Variants in GLI2 observed in about 807,000 individuals in gnomAD.
GLI2 encodes the protein GLI family zinc finger 2, also known as transcription activator GLI2.
Under a neutral mutation model 78.9 loss-of-function variants are expected in GLI2, and 22 were observed. That is an observed-to-expected ratio of 0.28 (90% confidence interval 0.20 to 0.40). GLI2 has a LOEUF of 0.40. Ranked by LOEUF, GLI2 falls within the 10% of genes least tolerant of loss-of-function variation. The pLI, the probability that GLI2 is intolerant of heterozygous loss-of-function variation, is 1.00. For missense variants in GLI2, 2,097 were observed against 2,213.2 expected (o/e 0.95, Z 1.05); for synonymous variants, 974 against 963.7 (o/e 1.01, Z -0.20).
intron 2 of GLI2, among the ~76,000 whole-genome samples, chr2:120,924,112 T>C (rs982450622): frequency 9.9e-5 from 15 of 152,122 alleles, no homozygotes; most frequent in African/African-American, 3.6e-4. Context: ...AGCAAGACCA[T>C]GAATGGTAGG....
Position 120,846,779 on chromosome 2 carries a change from C to CT in GLI2, c.148+49317dup, listed in dbSNP as rs567229969. On this transcript the variant is annotated intron_variant, in intron 2 of 13. Transcript: ENST00000361492. ...AGTTCCTTGACCTCCCTGAGATTCTCTTTTTTCACCTATAAAACCCATGTT... is the reference window on the plus strand; with the variant it reads ...AGTTCCTTGACCTCCCTGAGATTCTCTTTTTTTCACCTATAAAACCCATGTT... Among the ~76,000 whole-genome samples, 7 of 152,312 alleles carry CT rather than the reference C, an allele frequency of 4.6e-5. No individual in the cohort carries two copies. The South Asian group carries it at 1.5e-3, about 32-fold the overall frequency.
At chr2:120,893,646 AAAAG>A (rs1394446080) in intron 2 of GLI2, among the ~76,000 whole-genome samples, 1 of 151,284 alleles carries the variant, frequency 6.6e-6, no homozygotes, top group East Asian at 1.9e-4. Context: ...ATGAAAGGAA[AAAAG>A]AAGAAAGAAA....
chr2:120,797,105 G>A (rs917689567), intron 1 of GLI2, among the ~76,000 whole-genome samples, 186 bp from the exon 2 acceptor site: 2 of 152,196 alleles, frequency 1.3e-5, no homozygotes, highest in African/African-American at 2.4e-5. Flanking sequence ...CCGTGAGGTC[G>A]TTCAGAAGAC....
At chr2:120,933,840 A>AGCCCTGCCCTGCCCTGCCCT (rs56996797) in intron 3 of GLI2, among the ~76,000 whole-genome samples, 3 of 137,790 alleles carry the variant, frequency 2.2e-5, no homozygotes, top group Admixed American at 7.2e-5. Context: ...GGACCTTTCC[A>AGCCCTGCCCTGCCCTGCCCT]GCCCTGCCCT....
intron 2 of GLI2, among the ~76,000 whole-genome samples, chr2:120,826,308 G>A (rs1037390806): frequency 1.6e-4 from 25 of 152,236 alleles, no homozygotes; most frequent in African/African-American, 6.0e-4. Flanking sequence ...GTGAGGGTCT[G>A]CCGTCCTGTT....
intron 2 of GLI2, among the ~76,000 whole-genome samples, chr2:120,820,113 CTGA>C (rs1197944044): frequency 2.0e-5 from 3 of 152,156 alleles, no homozygotes; most frequent in African/African-American, 7.2e-5. Context: ...AAGACTGAGG[CTGA>C]TGAAGGCAAG....
chr2:120,751,530 C>T (rs1193256349), intron 1 of GLI2, among the ~76,000 whole-genome samples: 1 of 152,108 alleles, frequency 6.6e-6, no homozygotes, highest in Non-Finnish European at 1.5e-5. Context: ...TATATAAATA[C>T]TCTGAGATTA....
intron 2 of GLI2, among the ~76,000 whole-genome samples, chr2:120,869,174 T>G (rs980068426): frequency 2.2e-4 from 33 of 152,052 alleles, no homozygotes; most frequent in South Asian, 8.3e-4. Flanking sequence ...CTGGCCCCAG[T>G]GGGGACAGGG....
Position 120,982,739 on chromosome 2 carries a change from C to T in GLI2, c.1491C>T (p.Tyr497=). 2.5e-6 allele frequency: 4 copies of T among 1,613,742 alleles called. No homozygotes were observed. The highest frequency in any genetic ancestry group is 3.4e-6 in the Non-Finnish European group (4 of 1,179,722). Residue 497 remains tyrosine, a synonymous_variant, in exon 11 of 14, where the codon TAC becomes TAT. Transcript: ENST00000361492. Reference sequence around the variant, plus strand: ...AGTTCGAGGGCTGCTCGAAGGCCTACTCCCGCCTGGAGAACCTGAAGACAC... The same window carrying T: ...AGTTCGAGGGCTGCTCGAAGGCCTATTCCCGCCTGGAGAACCTGAAGACAC... ...KCTFEGCSKA[Y]SRLENLKTHL...
In GLI2 at chr2:120,990,525, C is replaced by A. The variant is rs1335405295; in HGVS notation, c.4560C>A (p.Leu1520=). The A allele has an allele frequency of 1.9e-6, 3 of 1,614,158 alleles. No individual in the cohort carries two copies. The highest frequency in any genetic ancestry group is 2.5e-6 in the Non-Finnish European group (3 of 1,180,040). The part of the protein sequence containing the change: ...GALSPSLLHS[L]SQNSSRLTTP... Reference sequence around the variant, plus strand: ...TGAGCCCCAGCCTCCTCCACAGCCTCTCCCAGAACTCCTCCCGCCTCACCA... The same window carrying A: ...TGAGCCCCAGCCTCCTCCACAGCCTATCCCAGAACTCCTCCCGCCTCACCA... The change falls in exon 14 of 14, where the codon CTC becomes CTA. Residue 1520 remains leucine (L), a synonymous_variant. Coordinates refer to ENST00000361492, the MANE Select transcript of GLI2 (RefSeq NM_001374353.1).
intron 2 of GLI2, among the ~76,000 whole-genome samples, chr2:120,912,633 C>T (rs1469338929): frequency 6.6e-6 from 1 of 152,200 alleles, no homozygotes. Flanking sequence ...GGGCAGGGAG[C>T]CAGGCGTCCG....
chr2:120,741,936 G>A (rs1423108332), intron 1 of GLI2, among the ~76,000 whole-genome samples: 1 of 152,246 alleles, frequency 6.6e-6, no homozygotes, highest in Non-Finnish European at 1.5e-5. Flanking sequence ...CGCCCGGAGC[G>A]CGCGAGCGGC....
intron 3 of GLI2, among the ~76,000 whole-genome samples, chr2:120,938,224 A>G (rs1222492884): frequency 6.6e-6 from 1 of 152,132 alleles, no homozygotes; most frequent in Non-Finnish European, 1.5e-5. Context: ...CACTGCACAG[A>G]AGGAGTAAAC....
At chr2:120,924,199 G>A (rs1443753325) in intron 2 of GLI2, among the ~76,000 whole-genome samples, 7 of 152,184 alleles carry the variant, frequency 4.6e-5, no homozygotes, top group African/African-American at 1.7e-4. Context: ...GGGGTCGCTG[G>A]GAAGACCCAG....
At chr2:120,985,794 G>A (rs1233583240) in intron 12 of GLI2, among the ~76,000 whole-genome samples, 1 of 152,172 alleles carries the variant, frequency 6.6e-6, no homozygotes, top group Admixed American at 6.5e-5. Flanking sequence ...TTTTGGGGTG[G>A]CCCTTTACAC....
intron 2 of GLI2, among the ~76,000 whole-genome samples, chr2:120,874,928 AC>A (rs1688660019): frequency 6.6e-6 from 1 of 152,132 alleles, no homozygotes; most frequent in African/African-American, 2.4e-5. Flanking sequence ...TAGGAGGTAT[AC>A]GACTTGGGGG....
chr2:120,772,301 C>A (rs747860553), intron 1 of GLI2, among the ~76,000 whole-genome samples: 1 of 152,142 alleles, frequency 6.6e-6, no homozygotes, highest in Non-Finnish European at 1.5e-5. Context: ...CTCTGAGGAG[C>A]CTTCCCTCCC....
At chr2:120,749,384 A>T (rs550608139) in intron 1 of GLI2, among the ~76,000 whole-genome samples, 1 of 152,254 alleles carries the variant, frequency 6.6e-6, no homozygotes, top group South Asian at 2.1e-4. Flanking sequence ...TTTTAAAAAA[A>T]AAATCTAAGC....
At chr2:120,981,131 T>G (rs974028699) in intron 10 of GLI2, among the ~76,000 whole-genome samples, 1 of 152,226 alleles carries the variant, frequency 6.6e-6, no homozygotes, top group African/African-American at 2.4e-5. Context: ...TCCCCCTGCC[T>G]CAGCCTCCCA....
Sources: allele counts gnomAD v4.1 joint callset (sites outside exome capture counted in the v4.1 genomes callset), GRCh38; gene constraint gnomAD v4.1.1; transcripts MANE v1.5; gene names NCBI Gene and HGNC (gene_info 2026-07-23, HGNC 2026-07-21).